The following GATB variants were observed in gnomAD, a reference collection of about 807,000 sequenced individuals.
GATB encodes glutamyl-tRNA(Gln) amidotransferase subunit B, mitochondrial.
GATB carries 39 observed loss-of-function variants against 62.3 expected under a neutral mutation model. That is an observed-to-expected ratio of 0.63 (90% CI 0.48 to 0.82). The LOEUF (loss-of-function observed/expected upper bound fraction) is 0.82. Ranked by LOEUF, GATB falls within the 40% of genes least tolerant of loss-of-function variation. The probability of loss-of-function intolerance (pLI) is 0.00; values close to 1 mark genes in which losing one functional copy is unlikely to be tolerated. For missense variants in GATB, 670 were observed against 684.0 expected (o/e 0.98, Z 0.23); for synonymous variants, 276 against 258.9 (o/e 1.07, Z -0.63).
At chr4:151,756,539 A>C (rs1200480339) in intron 2 of GATB, among the ~76,000 whole-genome samples, 1 of 152,118 alleles carries the variant, frequency 6.6e-6, no homozygotes, top group East Asian at 1.9e-4. Flanking sequence ...CTACAGAATA[A>C]CCCATCTAGG....
At chr4:151,742,301 G>C (rs1739507173) in intron 2 of GATB, among the ~76,000 whole-genome samples, 1 of 151,842 alleles carries the variant, frequency 6.6e-6, no homozygotes, top group Non-Finnish European at 1.5e-5. Flanking sequence ...TGTTAACCAG[G>C]ATGGTCTCGA....
intron 2 of GATB, among the ~76,000 whole-genome samples, chr4:151,729,859 C>A (rs537320394): frequency 6.6e-6 from 1 of 152,096 alleles, no homozygotes; most frequent in Admixed American, 6.5e-5. Flanking sequence ...TGATGCTGGT[C>A]GGATCATGGC....
At chr4:151,757,518 G>A (rs1025509921) in intron 2 of GATB, among the ~76,000 whole-genome samples, 1 of 144,888 alleles carries the variant, frequency 6.9e-6, no homozygotes, top group Non-Finnish European at 1.5e-5. Context: ...TGTCGCCCAG[G>A]CTGGAGTGCA....
At chr4:151,700,203 C>T (rs1174427353) in intron 9 of GATB, among the ~76,000 whole-genome samples, 2 of 152,242 alleles carry the variant, frequency 1.3e-5, no homozygotes, top group African/African-American at 4.8e-5. Context: ...GCATTAAGCA[C>T]TGCTGATGTT....
rs561501280 is a variant in GATB at position 151,760,834 on chromosome 4, A to G, written c.149T>C (p.Leu50Pro). The G allele has an allele frequency of 1.3e-5, 21 of 1,610,686 alleles. No individual in the cohort carries two copies. In the East Asian group the frequency reaches 4.5e-4, roughly 34 times the overall value. Residue 50 changes from leucine to proline, a missense_variant, in exon 1 of 13, where the codon CTC (leucine) becomes CCC (proline). Physicochemically the swap from Leu to Pro is moderately conservative, Grantham distance 98. Coordinates refer to ENST00000263985, the MANE Select transcript of GATB (RefSeq NM_004564.3). ...TTTCCTCGTCTTCTGGGCCGTGTGG[A>G]GGGGCTGCTGAGCCACTGAGCTCTC... The part of the protein sequence containing the change: ...RGESSVAQQP[L>P]HTAQKTRKGE...
chr4:151,725,045 G>A (rs1286581464), intron 2 of GATB, among the ~76,000 whole-genome samples: 3 of 152,214 alleles, frequency 2.0e-5, no homozygotes, highest in Non-Finnish European at 4.4e-5. Flanking sequence ...AAACGTCAAA[G>A]AGGGCACATT....
chr4:151,728,918 G>A (rs576283666), intron 2 of GATB, among the ~76,000 whole-genome samples: 3 of 152,268 alleles, frequency 2.0e-5, no homozygotes, highest in East Asian at 1.9e-4. Context: ...AGGTATGAAC[G>A]AGGCCTATGA....
rs5862967 is a variant in GATB, at chr4:151,680,278, TA to T, written c.1332-388del. Among the ~76,000 whole-genome samples the T allele has an allele frequency of 5.6e-4, 81 of 144,000 alleles. No homozygotes were observed. In the Middle Eastern group the frequency reaches 0.011, roughly 19 times the overall value. The allele number at this position is 144,000 out of a possible 152,430, so 94.5% of individuals were successfully genotyped here. Reference sequence around the variant, plus strand: ...CGGAAAGATCAGCCTAAAAATTACTTAAAAAAAAAAAAAACCAGCTAACAAA... The same window carrying T: ...CGGAAAGATCAGCCTAAAAATTACTTAAAAAAAAAAAAACCAGCTAACAAA... On this transcript the variant is annotated intron_variant, in intron 10 of 12. Transcript: ENST00000263985.
At chr4:151,712,632 A>C (rs1738840004) in intron 5 of GATB, among the ~76,000 whole-genome samples, 1 of 152,172 alleles carries the variant, frequency 6.6e-6, no homozygotes, top group Non-Finnish European at 1.5e-5. Context: ...GAAAATAACA[A>C]GGTTTGACCA....
chr4:151,735,244 A>C (rs1275261876), intron 2 of GATB, among the ~76,000 whole-genome samples: 1 of 151,910 alleles, frequency 6.6e-6, no homozygotes, highest in Non-Finnish European at 1.5e-5. Context: ...AGAAAAAAAA[A>C]AAAAAACAAA....
chr4:151,713,074 G>A (rs1460584777), intron 5 of GATB, among the ~76,000 whole-genome samples: 3 of 152,040 alleles, frequency 2.0e-5, no homozygotes, highest in Admixed American at 1.3e-4. Context: ...GAACCCTATT[G>A]TGAACTGTGC....
At chr4:151,673,128 T>C (rs935681900) in intron 11 of GATB, 21 of 492,952 alleles carry the variant, frequency 4.3e-5, no homozygotes, top group Non-Finnish European at 7.2e-5. Context: ...CTAGGTGGAG[T>C]GAATGCACCT....
rs549860947 is a variant in GATB at position 151,693,338 on chromosome 4, G to A, written c.1198-4575C>T. Among the ~76,000 whole-genome samples, 47 of 152,286 alleles carry A rather than the reference G, an allele frequency of 3.1e-4. 1 individual carries two copies. Among genetic ancestry groups the A allele is most frequent in the Non-Finnish European group, 4.3e-4 (29 of 68,020 alleles). Reference sequence around the variant, plus strand: ...GGGGCGGTGGCTTGGGTGGGTTCACGGGAATCGGTGCCCCTTCTGCTTTTC... The same window carrying A: ...GGGGCGGTGGCTTGGGTGGGTTCACAGGAATCGGTGCCCCTTCTGCTTTTC... On this transcript the variant is annotated intron_variant, in intron 9 of 12. Coordinates refer to ENST00000263985, the MANE Select transcript of GATB (RefSeq NM_004564.3).
intron 12 of GATB, 132 bp downstream of exon 12, chr4:151,672,626 CAGTG>C (rs1259191641): frequency 2.4e-6 from 2 of 833,070 alleles, no homozygotes; most frequent in African/African-American, 3.4e-5. Flanking sequence ...AAAAAGATGA[CAGTG>C]AGGGAATTAT....
intron 6 of GATB, among the ~76,000 whole-genome samples, chr4:151,706,806 T>C (rs1219759582): frequency 6.6e-6 from 1 of 152,222 alleles, no homozygotes; most frequent in Non-Finnish European, 1.5e-5. Context: ...AGCAAAACTT[T>C]GGCAACAGAT....
intron 11 of GATB, chr4:151,676,643 C>G (rs1578893050): frequency 6.6e-6 from 1 of 152,260 alleles, no homozygotes; most frequent in African/African-American, 2.4e-5. Context: ...CGGGGTGCCA[C>G]CTGCCACTTC....
chr4:151,672,494 T>G, intron 12 of GATB: 1 of 398,782 alleles, frequency 2.5e-6, no homozygotes, highest in Non-Finnish European at 4.6e-6. Flanking sequence ...TTCGTGAGCT[T>G]GCTGACACCC....
intron 9 of GATB, among the ~76,000 whole-genome samples, chr4:151,690,232 A>G (rs191404162): frequency 1.3e-5 from 2 of 152,240 alleles, no homozygotes; most frequent in Admixed American, 6.5e-5. Flanking sequence ...AAATTCCATA[A>G]TAATAAAAAA....
chr4:151,707,548 T>C (rs1213293972), intron 6 of GATB, among the ~76,000 whole-genome samples: 1 of 152,192 alleles, frequency 6.6e-6, no homozygotes, highest in Non-Finnish European at 1.5e-5. Flanking sequence ...CCACCTTGGC[T>C]TCCCAAAGTG....
Sources: gnomAD v4.1 joint callset for allele counts (sites outside exome capture counted in the v4.1 genomes callset) on GRCh38, gnomAD v4.1.1 for gene constraint, MANE v1.5 for transcripts, NCBI Gene and HGNC (gene_info 2026-07-23, HGNC 2026-07-21) for gene names.